Variants in ADAM23 observed in about 807,000 individuals in gnomAD.
ADAM23 encodes the protein ADAM metallopeptidase domain 23.
In ADAM23, 33 loss-of-function variants were observed where a neutral mutation model predicts 120.1. The ratio of observed to expected loss-of-function variants is 0.27; its 90% CI spans 0.21 to 0.37. ADAM23 has a LOEUF of 0.37. Ranked by LOEUF, ADAM23 falls within the 10% of genes least tolerant of loss-of-function variation. The pLI is 1.00. For missense variants in ADAM23, 862 were observed against 1,058.2 expected (o/e 0.81, Z 2.57); for synonymous variants, 367 against 375.2 (o/e 0.98, Z 0.25).
Position 206,445,537 on chromosome 2 carries a change from C to A in ADAM23, c.432+13C>A, listed in dbSNP as rs1465339913. 1 of 1,600,106 alleles carries A rather than the reference C, an allele frequency of 6.2e-7. No homozygotes were observed. Among genetic ancestry groups the A allele is most frequent in the Non-Finnish European group, 8.5e-7 (1 of 1,172,008 alleles). ...AAAACATAATAAGGTAGGCAGGAGGCTGGCTATGCAAAAGTAACTATCATG... is the reference window on the plus strand; with the variant it reads ...AAAACATAATAAGGTAGGCAGGAGGATGGCTATGCAAAAGTAACTATCATG... On this transcript the variant is annotated intron_variant, in intron 2 of 25. Transcript: ENST00000264377.
At chr2:206,568,138 G>T (rs1697927026) in intron 15 of ADAM23, among the ~76,000 whole-genome samples, 1 of 151,888 alleles carries the variant, frequency 6.6e-6, no homozygotes, top group Non-Finnish European at 1.5e-5. Flanking sequence ...TTTTTGAGTG[G>T]TTTGTCCTCT....
At chr2:206,548,524 T>C (rs988896051) in intron 8 of ADAM23, among the ~76,000 whole-genome samples, 170 bp downstream of exon 8, 1 of 152,198 alleles carries the variant, frequency 6.6e-6, no homozygotes, top group African/African-American at 2.4e-5. Context: ...ACACACTGCT[T>C]TTTATTGATC....
chr2:206,573,130 T>C lies in ADAM23; in HGVS notation c.1672T>C (p.Tyr558His), dbSNP rs933264881. The change falls in exon 18 of 26, where the codon TAT (tyrosine) becomes CAT (histidine). Residue 558 changes from tyrosine to histidine, a missense_variant. This residue lies in a region of ADAM23 where 617 missense variants were observed against 813.5 expected (regional missense o/e 0.76). Transcript: ENST00000264377. Reference protein sequence around the residue: ...NTSCLFQPRGYECRDAVNECD... With the variant: ...NTSCLFQPRGHECRDAVNECD... The stretch of plus-strand genomic sequence containing the variant: ...TGATTTGCAGTTTCAGCCACGAGGG[T>C]ATGAATGCCGGGATGCTGTGAACGA... The C allele has an allele frequency of 5.0e-6, 8 of 1,613,892 alleles. No individual in the cohort carries two copies. The African/African-American group carries it at 1.1e-4, about 22-fold the overall frequency.
intron 12 of ADAM23, 43 bp from the exon 13 acceptor site, chr2:206,562,160 C>T: frequency 6.6e-7 from 1 of 1,520,320 alleles, no homozygotes; most frequent in Non-Finnish European, 9.1e-7. Flanking sequence ...GCTTTGTGCA[C>T]TCTCTCAAAT....
At chr2:206,507,356 C>T (rs535020169) in intron 3 of ADAM23, among the ~76,000 whole-genome samples, 3 of 152,196 alleles carry the variant, frequency 2.0e-5, no homozygotes, top group African/African-American at 7.2e-5. Context: ...ACTGTCCTCA[C>T]AATAGTGAGT....
intron 25 of ADAM23, among the ~76,000 whole-genome samples, chr2:206,616,584 T>C (rs1698938782): frequency 6.6e-6 from 1 of 152,142 alleles, no homozygotes; most frequent in African/African-American, 2.4e-5. Flanking sequence ...TTTGAATTAC[T>C]TGTGGGGGAG....
At chr2:206,600,657 T>G (rs547586729) in intron 24 of ADAM23, among the ~76,000 whole-genome samples, 1 of 152,154 alleles carries the variant, frequency 6.6e-6, no homozygotes, top group African/African-American at 2.4e-5. Flanking sequence ...CCTGGAAGAA[T>G]AGGAAATTCA....
At chr2:206,525,202 C>G (rs941481200) in intron 3 of ADAM23, among the ~76,000 whole-genome samples, 6 of 152,052 alleles carry the variant, frequency 3.9e-5, no homozygotes, top group Non-Finnish European at 7.4e-5. Flanking sequence ...CTTTTTTTTA[C>G]CTAGTTCTGC....
intron 23 of ADAM23, among the ~76,000 whole-genome samples, chr2:206,595,317 C>T (rs181198757): frequency 1.2e-3 from 183 of 152,322 alleles, no homozygotes; most frequent in African/African-American, 4.2e-3. Context: ...AGGGTTTAAA[C>T]ACTCCTGTCT....
chr2:206,619,254 G>A lies in ADAM23; in HGVS notation c.*1627G>A, dbSNP rs1698996964. The A allele has an allele frequency of 6.6e-6, 1 of 152,150 alleles. No individual in the cohort carries two copies. Among genetic ancestry groups the A allele is most frequent in the Admixed American group, 6.6e-5 (1 of 15,266 alleles). 9.4% of individuals were successfully genotyped at this position (152,150 alleles called of 1,614,324 possible). ...ATTCTACTATATACAAATCCACATT[G>A]TTCTTCTCCCTCCAGCCAGATTTGC... On this transcript the variant is annotated 3_prime_UTR_variant, in exon 26 of 26. Coordinates refer to ENST00000264377, the MANE Select transcript of ADAM23 (RefSeq NM_003812.4).
intron 25 of ADAM23, among the ~76,000 whole-genome samples, chr2:206,612,101 G>A (rs973506980): frequency 6.6e-6 from 1 of 152,200 alleles, no homozygotes; most frequent in Admixed American, 6.5e-5. Flanking sequence ...AATAATTCCA[G>A]AACATGTAAC....
At chr2:206,476,762 G>A (rs528047175) in intron 2 of ADAM23, among the ~76,000 whole-genome samples, 1 of 152,226 alleles carries the variant, frequency 6.6e-6, no homozygotes, top group Non-Finnish European at 1.5e-5. Context: ...TAGGCACTCA[G>A]TTACCCAAGT....
At chr2:206,502,154 ATTG>A (rs1205682647) in intron 3 of ADAM23, among the ~76,000 whole-genome samples, 3 of 152,076 alleles carry the variant, frequency 2.0e-5, no homozygotes, top group African/African-American at 7.2e-5. Flanking sequence ...TTTTGTGATT[ATTG>A]TTATCTTTTG....
chr2:206,535,008 C>T (rs921519649), intron 4 of ADAM23, among the ~76,000 whole-genome samples: 1 of 150,532 alleles, frequency 6.6e-6, no homozygotes, highest in Non-Finnish European at 1.5e-5. Flanking sequence ...AGAGTACATT[C>T]TCTCCACCTT....
chr2:206,535,163 TCTC>T (rs1460958004), intron 4 of ADAM23, among the ~76,000 whole-genome samples: 1 of 152,148 alleles, frequency 6.6e-6, no homozygotes. Context: ...CAACTAATCC[TCTC>T]CTCCAGTATA....
intron 9 of ADAM23, among the ~76,000 whole-genome samples, chr2:206,552,490 C>T (rs767502665): frequency 6.6e-6 from 1 of 151,882 alleles, no homozygotes; most frequent in Non-Finnish European, 1.5e-5. Flanking sequence ...ATTTAAATAA[C>T]CTTATTCTTA....
At position 206,618,313 on chromosome 2, in the gene ADAM23, T is replaced by C. The variant is rs1312436263; in HGVS notation, c.*686T>C. On this transcript the variant is annotated 3_prime_UTR_variant, in exon 26 of 26. Coordinates refer to ENST00000264377, the MANE Select transcript of ADAM23 (RefSeq NM_003812.4). ...ATTGGAGACCAGGCCAGGGCAGAACTCCACGGACCTTGCTCTTGTTGATTC... is the reference window on the plus strand; with the variant it reads ...ATTGGAGACCAGGCCAGGGCAGAACCCCACGGACCTTGCTCTTGTTGATTC... 1 of 150,250 alleles carries C rather than the reference T, an allele frequency of 6.7e-6. No individual in the cohort carries two copies. The highest frequency in any genetic ancestry group is 1.5e-5 in the Non-Finnish European group (1 of 67,734). The allele number at this position is 150,250 out of a possible 1,614,324, so 9.3% of individuals were successfully genotyped here. A position where few individuals can be genotyped will look rare whatever the true frequency, so the allele number is the denominator to read the frequency against.
At chr2:206,469,216 G>A (rs1052385666) in intron 2 of ADAM23, among the ~76,000 whole-genome samples, 7 of 152,182 alleles carry the variant, frequency 4.6e-5, no homozygotes, top group Admixed American at 1.3e-4. Flanking sequence ...ACTTGGGTAT[G>A]TAATGTGCAT....
intron 21 of ADAM23, among the ~76,000 whole-genome samples, chr2:206,590,834 A>G (rs530150248): frequency 6.6e-6 from 1 of 152,270 alleles, no homozygotes; most frequent in Non-Finnish European, 1.5e-5. Flanking sequence ...AATCCATGGG[A>G]TTGGACATCT....
Sources: allele counts gnomAD v4.1 joint callset (sites outside exome capture counted in the v4.1 genomes callset), GRCh38; gene constraint gnomAD v4.1.1; regional missense constraint gnomAD v4.1.1; transcripts MANE v1.5; gene names NCBI Gene and HGNC (gene_info 2026-07-23, HGNC 2026-07-21).